SRGAP2B: variants seen among roughly 807,000 people sequenced by gnomAD.
SRGAP2B encodes the protein SLIT-ROBO Rho GTPase-activating protein 2B.
SRGAP2B carries 9 observed loss-of-function variants against 22.2 expected under a neutral mutation model. The ratio of observed to expected loss-of-function variants is 0.41; its 90% CI spans 0.24 to 0.71. SRGAP2B has a LOEUF of 0.71. Among genes scored for constraint, SRGAP2B ranks in the 30% least tolerant of loss-of-function variants. The pLI is 0.35. For synonymous variants in SRGAP2B, 36 were observed against 87.4 expected (o/e 0.41, Z 3.28); for missense variants, 114 against 235.8 (o/e 0.48, Z 3.38).
chr1:145,001,914 T>A (rs1195204098), intron 2 of SRGAP2B, among the ~76,000 whole-genome samples: 1 of 148,306 alleles, frequency 6.7e-6, no homozygotes, highest in Non-Finnish European at 1.5e-5. Flanking sequence ...CCCAGCTACT[T>A]GGGAGGCTGA....
At chr1:144,985,235 C>G (rs1553615736) in intron 3 of SRGAP2B, among the ~76,000 whole-genome samples, 1 of 133,436 alleles carries the variant, frequency 7.5e-6, no homozygotes, top group African/African-American at 3.1e-5. Context: ...GATCTCTGTC[C>G]TCTAAGAGTT....
intron 2 of SRGAP2B, among the ~76,000 whole-genome samples, chr1:145,035,918 G>T (rs1648645483): frequency 7.0e-6 from 1 of 143,134 alleles, no homozygotes; most frequent in Non-Finnish European, 1.5e-5. Flanking sequence ...CCAACAATTT[G>T]ACGTCATGTT....
In SRGAP2B at chr1:144,905,824, C is replaced by T; in HGVS notation, c.702+35G>A. ...ATCAGCCATGCCTTACCGAATGTTG[C>T]TTCCCAGCATCTACAGCTGTGGGAG... On this transcript the variant is annotated intron_variant, in intron 6 of 9. Coordinates refer to ENST00000612199, the Ensembl canonical transcript of SRGAP2B. 4 of 709,054 alleles carry T rather than the reference C, an allele frequency of 5.6e-6. No homozygotes were observed. In the South Asian group the frequency reaches 6.0e-5, roughly 11 times the overall value. 43.9% of individuals were successfully genotyped at this position (709,054 alleles called of 1,614,324 possible).
intron 3 of SRGAP2B, among the ~76,000 whole-genome samples, chr1:144,976,172 G>A (rs1179589405): frequency 1.0e-4 from 15 of 147,126 alleles, no homozygotes; most frequent in African/African-American, 2.7e-5. Context: ...GAGCCATCGC[G>A]CCCAGCCTGG....
At chr1:145,006,836 G>A (rs1482240944) in intron 2 of SRGAP2B, among the ~76,000 whole-genome samples, 3 of 150,628 alleles carry the variant, frequency 2.0e-5, no homozygotes, top group East Asian at 3.9e-4. Flanking sequence ...CAAGTATAAA[G>A]GTATCTCACT....
intron 4 of SRGAP2B, among the ~76,000 whole-genome samples, chr1:144,922,776 C>T (rs1664348199): frequency 6.6e-6 from 1 of 150,684 alleles, no homozygotes; most frequent in Admixed American, 6.6e-5. Flanking sequence ...AATACCAAAA[C>T]CACCCATCAA....
chr1:144,954,813 AAGCATTCAG>A (rs1363301574), intron 4 of SRGAP2B, among the ~76,000 whole-genome samples: 1 of 150,218 alleles, frequency 6.7e-6, no homozygotes, highest in Non-Finnish European at 1.5e-5. Context: ...TGAGTTCCGA[AAGCATTCAG>A]AGACCCAAAG....
intron 3 of SRGAP2B, among the ~76,000 whole-genome samples, chr1:144,966,379 T>A (rs1177952605): frequency 6.7e-6 from 1 of 148,536 alleles, no homozygotes. Context: ...GAATTTCATA[T>A]CCAGCCAAAC....
chr1:144,978,535 C>T (rs1570910530), intron 3 of SRGAP2B, among the ~76,000 whole-genome samples: 2 of 147,164 alleles, frequency 1.4e-5, no homozygotes, highest in Middle Eastern at 3.4e-3. Flanking sequence ...ATCCCAGGTA[C>T]TTGGGAGGCT....
intron 3 of SRGAP2B, among the ~76,000 whole-genome samples, chr1:144,965,603 G>A (rs1570875292): frequency 1.5e-5 from 2 of 135,396 alleles, no homozygotes; most frequent in East Asian, 2.1e-4. Context: ...CCAAAGGAAC[G>A]CAGTTCCTCA....
At chr1:144,965,685 T>C (rs587767380) in intron 3 of SRGAP2B, among the ~76,000 whole-genome samples, 2 of 124,080 alleles carry the variant, frequency 1.6e-5, no homozygotes, top group South Asian at 2.5e-4. Flanking sequence ...GACGATCAAA[T>C]TACTCTGAGC....
chr1:145,085,094 C>T (rs1250989910), intron 2 of SRGAP2B, among the ~76,000 whole-genome samples: 2 of 151,778 alleles, frequency 1.3e-5, no homozygotes, highest in South Asian at 2.1e-4. Context: ...AGGCACCCAC[C>T]ACCACGCCCA....
chr1:145,023,098 C>T (rs1317296242), intron 2 of SRGAP2B, among the ~76,000 whole-genome samples: 4 of 147,642 alleles, frequency 2.7e-5, no homozygotes, highest in South Asian at 2.1e-4. Flanking sequence ...CCGGGAGAGG[C>T]GGAGGTTGCA....
At chr1:144,941,608 T>C (rs1666059016) in intron 4 of SRGAP2B, among the ~76,000 whole-genome samples, 1 of 148,716 alleles carries the variant, frequency 6.7e-6, no homozygotes, top group South Asian at 2.1e-4. Context: ...TCCAGTATTG[T>C]AAGGAAAGAA....
At position 144,990,749 on chromosome 1, in the gene SRGAP2B, G is replaced by A. The variant is rs4589137; in HGVS notation, c.260+4259C>T. ...GGTGGGCCCCGCACTCGGAGCAGCC[G>A]GCCAGCCCTGCTGGCCCCGGGCAAT... On this transcript the variant is annotated intron_variant, in intron 3 of 9. Transcript: ENST00000612199. Among the ~76,000 whole-genome samples, 14 of 150,674 alleles carry A rather than the reference G, an allele frequency of 9.3e-5. 1 individual carries two copies. In the East Asian group the frequency reaches 1.6e-3, roughly 17 times the overall value.
At chr1:144,988,961 C>T (rs1553616490) in intron 3 of SRGAP2B, among the ~76,000 whole-genome samples, 1 of 141,822 alleles carries the variant, frequency 7.1e-6, no homozygotes, top group African/African-American at 2.7e-5. Flanking sequence ...TCTTGAATAC[C>T]TTCTGAATAT....
chr1:145,019,782 C>A (rs1245606852), intron 2 of SRGAP2B, among the ~76,000 whole-genome samples: 1 of 146,560 alleles, frequency 6.8e-6, no homozygotes, highest in East Asian at 2.0e-4. Flanking sequence ...TAAAAGCCAA[C>A]AGCCTAACAT....
intron 4 of SRGAP2B, among the ~76,000 whole-genome samples, chr1:144,950,840 ATCTC>A (rs56145910): frequency 2.0e-5 from 3 of 150,142 alleles, no homozygotes; most frequent in South Asian, 2.1e-4. Flanking sequence ...GTTTTTCTTA[ATCTC>A]TCTCTCTCTC....
exon 10 of SRGAP2B, chr1:144,888,880 C>A (rs1319393221): frequency 7.6e-6 from 1 of 131,366 alleles, no homozygotes; most frequent in Non-Finnish European, 1.6e-5. Flanking sequence ...TCAGGTGATC[C>A]GCCCGCCTCG....
Sources: allele counts gnomAD v4.1 joint callset (sites outside exome capture counted in the v4.1 genomes callset), GRCh38; gene constraint gnomAD v4.1.1; transcripts MANE v1.5; gene names NCBI Gene and HGNC (gene_info 2026-07-23, HGNC 2026-07-21).